Variants in LPP observed in about 807,000 individuals in gnomAD.
LPP encodes the protein LIM domain containing preferred translocation partner in lipoma.
LPP carries 38 observed loss-of-function variants against 60.4 expected under a neutral mutation model. That is an observed-to-expected ratio of 0.63 (90% CI 0.49 to 0.83). LPP has a LOEUF of 0.83. Ranked by LOEUF, LPP falls within the 40% of genes least tolerant of loss-of-function variation. The pLI is 0.00. For missense variants in LPP, 902 were observed against 783.6 expected (o/e 1.15, Z -1.80); for synonymous variants, 328 against 290.8 (o/e 1.13, Z -1.30).
intron 9 of LPP, among the ~76,000 whole-genome samples, chr3:188,788,706 G>A (rs759851288): frequency 5.3e-5 from 8 of 152,154 alleles, no homozygotes; most frequent in Non-Finnish European, 1.0e-4. Flanking sequence ...AGAACCCTTT[G>A]TATAAGCATC....
chr3:188,439,025 C>A (rs1462009508), intron 4 of LPP, among the ~76,000 whole-genome samples: 1 of 152,118 alleles, frequency 6.6e-6, no homozygotes, highest in Admixed American at 6.6e-5. Context: ...AGAGCAAAAT[C>A]TTAGTATAGG....
chr3:188,829,851 C>T (rs1329125014), intron 9 of LPP, among the ~76,000 whole-genome samples: 2 of 151,796 alleles, frequency 1.3e-5, no homozygotes, highest in Non-Finnish European at 2.9e-5. Flanking sequence ...TCTTGCCCTC[C>T]CGGACACATG....
intron 8 of LPP, among the ~76,000 whole-genome samples, chr3:188,717,054 G>A (rs1328468825): frequency 6.6e-6 from 1 of 152,156 alleles, no homozygotes; most frequent in Non-Finnish European, 1.5e-5. Flanking sequence ...TTCCATTTGG[G>A]ATATGAAGAA....
At chr3:188,432,082 T>C (rs1791035199) in intron 4 of LPP, among the ~76,000 whole-genome samples, 1 of 152,184 alleles carries the variant, frequency 6.6e-6, no homozygotes, top group African/African-American at 2.4e-5. Flanking sequence ...GGGTATCTGG[T>C]ATGTCATCTT....
chr3:188,318,297 CT>C (rs1422929275), intron 2 of LPP, among the ~76,000 whole-genome samples: 1 of 151,666 alleles, frequency 6.6e-6, no homozygotes, highest in Non-Finnish European at 1.5e-5. Context: ...AATTCCATTT[CT>C]TTTTTTGGTT....
chr3:188,274,208 T>C (rs1738852336), intron 2 of LPP, among the ~76,000 whole-genome samples: 1 of 152,228 alleles, frequency 6.6e-6, no homozygotes, highest in South Asian at 2.1e-4. Flanking sequence ...TTCTGTATTC[T>C]TTCCTTTTTA....
intron 7 of LPP, among the ~76,000 whole-genome samples, chr3:188,644,705 C>T (rs1850791073): frequency 6.6e-6 from 1 of 151,822 alleles, no homozygotes; most frequent in Non-Finnish European, 1.5e-5. Context: ...AATTTTTTAT[C>T]AGAAAAGAAA....
At chr3:188,571,817 A>G (rs1229765975) in intron 6 of LPP, among the ~76,000 whole-genome samples, 1 of 152,142 alleles carries the variant, frequency 6.6e-6, no homozygotes, top group East Asian at 1.9e-4. Flanking sequence ...TTGTAGTAAT[A>G]CAATGCCTAC....
At chr3:188,319,443 C>T (rs972538772) in intron 2 of LPP, among the ~76,000 whole-genome samples, 1 of 152,196 alleles carries the variant, frequency 6.6e-6, no homozygotes, top group Admixed American at 6.5e-5. Flanking sequence ...TTTTAAAATA[C>T]TTGTTTAATT....
chr3:188,746,979 G>A (rs980416973), intron 8 of LPP, among the ~76,000 whole-genome samples: 4 of 152,136 alleles, frequency 2.6e-5, no homozygotes, highest in African/African-American at 9.7e-5. Flanking sequence ...TTTAGTTTGT[G>A]TGTTTATCCT....
intron 7 of LPP, among the ~76,000 whole-genome samples, chr3:188,660,712 CTG>C (rs1854389557): frequency 6.6e-6 from 1 of 151,818 alleles, no homozygotes; most frequent in Admixed American, 6.6e-5. Context: ...CACAGTCAAA[CTG>C]AGCAGAAAAT....
chr3:188,411,148 A>G (rs1474855262), intron 4 of LPP, among the ~76,000 whole-genome samples: 1 of 152,146 alleles, frequency 6.6e-6, no homozygotes. Context: ...TTTAGAAGAT[A>G]TACAGACAAT....
At chr3:188,746,613 A>G in intron 8 of LPP, 1 of 469,706 alleles carries the variant, frequency 2.1e-6, no homozygotes, top group Non-Finnish European at 4.3e-6. Flanking sequence ...TAGCTGATGC[A>G]AGAAACCGTT....
intron 2 of LPP, among the ~76,000 whole-genome samples, chr3:188,291,855 A>ATT (rs1746094627): frequency 6.6e-6 from 1 of 152,168 alleles, no homozygotes; most frequent in Non-Finnish European, 1.5e-5. Context: ...TTCTTAAAGC[A>ATT]GTTCTGGATG....
chr3:188,371,855 G>A (rs1264339831), intron 3 of LPP, among the ~76,000 whole-genome samples: 7 of 150,532 alleles, frequency 4.7e-5, no homozygotes, highest in Non-Finnish European at 7.4e-5. Flanking sequence ...ACGGGGTTTC[G>A]CCATGTTGGC....
intron 2 of LPP, among the ~76,000 whole-genome samples, chr3:188,246,648 C>T (rs1479961123): frequency 1.3e-5 from 2 of 152,134 alleles, no homozygotes; most frequent in African/African-American, 2.4e-5. Flanking sequence ...GTGAGTCCCC[C>T]ACAGGGCAGG....
chr3:188,414,347 A>G (rs983916676), intron 4 of LPP, among the ~76,000 whole-genome samples: 19 of 152,174 alleles, frequency 1.2e-4, no homozygotes, highest in Admixed American at 1.1e-3. Context: ...GCTCACAGGA[A>G]CATTTTGGAT....
chr3:188,524,077 T>A (rs908657415), intron 5 of LPP, among the ~76,000 whole-genome samples: 1 of 152,176 alleles, frequency 6.6e-6, no homozygotes, highest in Admixed American at 6.5e-5. Flanking sequence ...GCCACATGCT[T>A]CCCCTGCAGC....
intron 2 of LPP, among the ~76,000 whole-genome samples, chr3:188,280,141 C>A (rs933128126): frequency 6.6e-6 from 1 of 152,172 alleles, no homozygotes; most frequent in African/African-American, 2.4e-5. Flanking sequence ...ACCTCCTAGA[C>A]ATGAGTGGGA....
Sources: allele counts gnomAD v4.1 joint callset (sites outside exome capture counted in the v4.1 genomes callset), GRCh38; gene constraint gnomAD v4.1.1; transcripts MANE v1.5; gene names NCBI Gene and HGNC (gene_info 2026-07-23, HGNC 2026-07-21).